The following PPP2R3B variants were observed in gnomAD, a reference collection of about 807,000 sequenced individuals.
The protein encoded by PPP2R3B is serine/threonine-protein phosphatase 2A regulatory subunit B'' subunit beta.
A neutral mutation model predicts 72.9 loss-of-function variants in PPP2R3B; 68 were observed. The ratio of observed to expected loss-of-function variants is 0.93; its 90% CI spans 0.77 to 1.14. The LOEUF (loss-of-function observed/expected upper bound fraction) is 1.14, where lower values mean the gene tolerates loss of function less well. Ranked by LOEUF, PPP2R3B falls within the 50% of genes most tolerant of loss-of-function variation. The pLI is 0.00. For synonymous variants in PPP2R3B, 466 were observed against 375.8 expected, an observed-to-expected ratio of 1.24 and a Z score of -2.78; for missense variants, 1,018 against 842.0, an observed-to-expected ratio of 1.21 and a Z score of -2.59.
intron 9 of PPP2R3B, 65 bp from the exon 10 acceptor site, chrX:341,005 TGAGGCAGCCCCC>T: frequency 6.3e-7 from 1 of 1,576,972 alleles, no homozygotes; most frequent in Non-Finnish European, 8.6e-7. Flanking sequence ...CTGCAGCCCC[TGAGGCAGCCCCC>T]ACCGGGGGTG....
chrX:341,013 C>T lies in PPP2R3B; in HGVS notation c.1176-73G>A. 4 of 1,555,890 alleles carry T rather than the reference C, an allele frequency of 2.6e-6. 1 individual carries two copies. In the South Asian group the frequency reaches 3.5e-5, roughly 14 times the overall value. On this transcript the variant is annotated intron_variant, in intron 9 of 12. Transcript: ENST00000390665. Reference sequence around the variant, plus strand: ...CCGTGACCTGCAGCCCCTGAGGCAGCCCCCACCGGGGGTGCACGCGTCCCC... The same window carrying T: ...CCGTGACCTGCAGCCCCTGAGGCAGTCCCCACCGGGGGTGCACGCGTCCCC...
intron 1 of PPP2R3B, among the ~76,000 whole-genome samples, chrX:375,265 C>G (rs2071964128): frequency 6.6e-6 from 1 of 152,214 alleles, no homozygotes; most frequent in Non-Finnish European, 1.5e-5. Context: ...GGAATGTGCT[C>G]AAACCACCAG....
intron 1 of PPP2R3B, among the ~76,000 whole-genome samples, chrX:381,039 TGCCTCA>T (rs1421013401): frequency 2.0e-5 from 3 of 151,806 alleles, no homozygotes; most frequent in Non-Finnish European, 4.4e-5. Context: ...GGGATCTTCC[TGCCTCA>T]GCCTCACAAG....
At chrX:378,651 A>G (rs766980623) in intron 1 of PPP2R3B, among the ~76,000 whole-genome samples, 51 of 152,166 alleles carry the variant, frequency 3.4e-4, no homozygotes, top group Admixed American at 1.1e-3. Flanking sequence ...ACCTCATCTC[A>G]GGAAACGGCA....
chrX:338,447 G>A, intron 12 of PPP2R3B, 157 bp downstream of exon 12: 1 of 726,698 alleles, frequency 1.4e-6, no homozygotes, highest in Non-Finnish European at 2.3e-6. Flanking sequence ...CCGGCCCCGT[G>A]TCAGGTCTCA....
At chrX:334,650 C>T (rs2070840545) in intron 12 of PPP2R3B, 133 bp from the exon 13 acceptor site, 1 of 1,083,230 alleles carries the variant, frequency 9.2e-7, no homozygotes. Context: ...TGAGCTCCAG[C>T]CGCTGAGCCA....
intron 1 of PPP2R3B, among the ~76,000 whole-genome samples, chrX:364,318 G>A (rs1345682926): frequency 2.0e-5 from 3 of 152,112 alleles, no homozygotes; most frequent in South Asian, 2.1e-4. Context: ...GAGAACTGAC[G>A]GCTACAGCCG....
chrX:369,086 G>A (rs1206923526), intron 1 of PPP2R3B, among the ~76,000 whole-genome samples: 1 of 152,182 alleles, frequency 6.6e-6, no homozygotes, highest in African/African-American at 2.4e-5. Flanking sequence ...GCCACCTCTC[G>A]GGCTGAGCTG....
At position 334,202 on chromosome X, in the gene PPP2R3B, C is replaced by G. The variant is rs2070821294; in HGVS notation, c.*165G>C. On this transcript the variant is annotated 3_prime_UTR_variant, in exon 13 of 13. Transcript: ENST00000390665. ...CCCTGGCACAGAGCTCTGGGCAGGT[C>G]CAGCCACGAACCCACAGCGGCAATC... The G allele has an allele frequency of 2.1e-5, 18 of 844,340 alleles. No homozygotes were observed. Among genetic ancestry groups the G allele is most frequent in the Admixed American group, 4.2e-5 (1 of 23,984 alleles). The allele number at this position is 844,340 out of a possible 1,614,324, so 52.3% of individuals were successfully genotyped here.
chrX:355,256 A>G (rs986767985), intron 2 of PPP2R3B, among the ~76,000 whole-genome samples: 41 of 152,372 alleles, frequency 2.7e-4, no homozygotes, highest in African/African-American at 8.7e-4. Context: ...AATACCACGT[A>G]CAGTGTCATC....
intron 2 of PPP2R3B, among the ~76,000 whole-genome samples, chrX:356,935 A>T (rs1306575200): frequency 7.3e-6 from 1 of 137,300 alleles, no homozygotes; most frequent in African/African-American, 2.8e-5. Context: ...CCAGCCACAC[A>T]GCGAGCCCCA....
At chrX:362,367 G>C (rs1211413825) in intron 1 of PPP2R3B, 1 of 152,604 alleles carries the variant, frequency 6.6e-6, no homozygotes, top group African/African-American at 2.4e-5. Flanking sequence ...ACCGTACTGC[G>C]TCCTCCTCCA....
At chrX:355,410 T>C (rs776102339) in intron 2 of PPP2R3B, among the ~76,000 whole-genome samples, 1 of 152,324 alleles carries the variant, frequency 6.6e-6, no homozygotes, top group South Asian at 2.1e-4. Context: ...TGGTCAAGAT[T>C]CTTCCAAGTT....
intron 1 of PPP2R3B, among the ~76,000 whole-genome samples, chrX:378,703 C>T (rs1346696113): frequency 2.0e-5 from 3 of 152,010 alleles, no homozygotes; most frequent in African/African-American, 7.3e-5. Context: ...GGATGAAGCT[C>T]TTTACACAGT....
At chrX:343,927 C>G (rs1350936128) in intron 7 of PPP2R3B, among the ~76,000 whole-genome samples, 3 of 78,038 alleles carry the variant, frequency 3.8e-5, no homozygotes, top group African/African-American at 5.9e-5. Flanking sequence ...GGAGGGAGAC[C>G]TCAGCAACGG....
chrX:384,299 CTTT>C (rs753521064), intron 1 of PPP2R3B, among the ~76,000 whole-genome samples: 1 of 133,840 alleles, frequency 7.5e-6, no homozygotes. Flanking sequence ...TATATATATA[CTTT>C]TTTTTTTTTT....
rs780414148 is a variant in PPP2R3B, at chrX:346,432, C to T, written c.793-172G>A. The T allele has an allele frequency of 4.6e-4, 313 of 675,888 alleles. 1 individual carries two copies. The African/African-American group carries it at 5.5e-3, about 12-fold the overall frequency. 41.9% of individuals were successfully genotyped at this position (675,888 alleles called of 1,614,324 possible). A position where few individuals can be genotyped will look rare whatever the true frequency, so the allele number is the denominator to read the frequency against. On this transcript the variant is annotated intron_variant, in intron 5 of 12. Transcript: ENST00000390665. ...CTGCGGGAGGCGCCGCCCCAGGCCGCGGAAAGCGGGGAGGGTCTGGCCGGG... is the reference window on the plus strand; with the variant it reads ...CTGCGGGAGGCGCCGCCCCAGGCCGTGGAAAGCGGGGAGGGTCTGGCCGGG...
chrX:341,312 C>A lies in PPP2R3B; in HGVS notation c.1170G>T (p.Pro390=). The A allele has an allele frequency of 6.2e-7, 1 of 1,612,490 alleles. No homozygotes were observed. The highest frequency in any genetic ancestry group is 8.5e-7 in the Non-Finnish European group (1 of 1,179,706). The change falls in exon 9 of 13, where the codon CCG becomes CCT. Residue 390 remains proline, a synonymous_variant. Coordinates refer to ENST00000390665, the MANE Select transcript of PPP2R3B (RefSeq NM_013239.5). ...FLISEEDKKT[P]TSIEYWFRCM... Reference sequence around the variant, plus strand: ...ATGCCGCAGCAGGAACCCACCTGGTCGGTGTTTTTTTGTCTTCCTCAGAGA... The same window carrying A: ...ATGCCGCAGCAGGAACCCACCTGGTAGGTGTTTTTTTGTCTTCCTCAGAGA...
chrX:341,519 C>G (rs980372332), intron 8 of PPP2R3B, 123 bp from the exon 9 acceptor site: 16 of 892,824 alleles, frequency 1.8e-5, no homozygotes, highest in African/African-American at 1.2e-4. Flanking sequence ...CTCCTGCCCC[C>G]CTCCTGCCCC....
Sources: allele counts gnomAD v4.1 joint callset (sites outside exome capture counted in the v4.1 genomes callset), GRCh38; gene constraint gnomAD v4.1.1; transcripts MANE v1.5; gene names NCBI Gene and HGNC (gene_info 2026-07-23, HGNC 2026-07-21).